PLAC1: variants seen among roughly 807,000 people sequenced by gnomAD.
PLAC1 encodes placenta-specific protein 1.
For missense variants in PLAC1, 136 were observed against 163.2 expected (o/e 0.83, Z 0.91); for synonymous variants, 68 against 62.1 (o/e 1.09, Z -0.44).
chrX:134,637,017 G>T (rs1344617116), intron 1 of PLAC1, among the ~76,000 whole-genome samples: 2 of 112,546 alleles, frequency 1.8e-5, no homozygotes, highest in Non-Finnish European at 3.8e-5. Context: ...AACAGCAAAA[G>T]AACTGCCAAC....
At position 134,598,263 on chromosome X, in the gene PLAC1, C is replaced by G. The variant is rs912137184; in HGVS notation, c.-59+3788G>C. The stretch of plus-strand genomic sequence containing the variant: ...TCGTGTAGCTTGTGAGATGTTGAAG[C>G]AGAACTATAGACTAAAGTGTCCCCT... On this transcript the variant is annotated intron_variant, in intron 2 of 2. Coordinates refer to ENST00000359237, the MANE Select transcript of PLAC1 (RefSeq NM_021796.4). 5.6e-4 allele frequency among the ~76,000 whole-genome samples: 63 copies of G among 111,803 alleles called. No individual in the cohort carries two copies. In the Admixed American group the frequency reaches 5.9e-3, roughly 10 times the overall value.
intron 2 of PLAC1, among the ~76,000 whole-genome samples, chrX:134,712,750 A>C (rs1457440874): frequency 9.0e-6 from 1 of 111,554 alleles, no homozygotes; most frequent in Non-Finnish European, 1.9e-5. Context: ...CCACTCTCCC[A>C]CATAACACAC....
At chrX:134,646,404 A>G (rs2078333776) in intron 1 of PLAC1, among the ~76,000 whole-genome samples, 1 of 112,642 alleles carries the variant, frequency 8.9e-6, no homozygotes, top group Non-Finnish European at 1.9e-5. Context: ...GGATTCTACA[A>G]GATAAGCTAA....
At chrX:134,679,301 G>A (rs1173840702) in intron 2 of PLAC1, among the ~76,000 whole-genome samples, 1 of 111,220 alleles carries the variant, frequency 9.0e-6, no homozygotes, top group Non-Finnish European at 1.9e-5. Context: ...GGGATGTCGA[G>A]TAGGCCGTGG....
intron 2 of PLAC1, among the ~76,000 whole-genome samples, chrX:134,718,920 T>C (rs1242835618): frequency 2.3e-4 from 26 of 111,780 alleles, no homozygotes; most frequent in Middle Eastern, 9.3e-3. Context: ...AATAATTGTG[T>C]GGGACAGGCT....
chrX:134,578,515 C>CTT (rs766626696), intron 2 of PLAC1, among the ~76,000 whole-genome samples: 3,507 of 55,866 alleles, frequency 0.063, 270 homozygotes, highest in African/African-American at 0.15. Flanking sequence ...TTCTTTCTTT[C>CTT]TTTTTTTTTT....
intron 1 of PLAC1, among the ~76,000 whole-genome samples, chrX:134,654,702 C>G (rs915620425): frequency 8.9e-6 from 1 of 112,197 alleles, no homozygotes; most frequent in Non-Finnish European, 1.9e-5. Flanking sequence ...CAGACCTAGG[C>G]CTTCTTAACA....
chrX:134,744,370 G>A (rs1406035889), intron 1 of PLAC1, among the ~76,000 whole-genome samples: 2 of 110,778 alleles, frequency 1.8e-5, no homozygotes, highest in African/African-American at 6.6e-5. Flanking sequence ...CGCTCCCTTC[G>A]TTATGATTCC....
chrX:134,576,806 C>T (rs2077941923), intron 2 of PLAC1, among the ~76,000 whole-genome samples: 1 of 111,005 alleles, frequency 9.0e-6, no homozygotes, highest in Non-Finnish European at 1.9e-5. Context: ...GTGCCTGCAA[C>T]CCCAGGAACG....
intron 2 of PLAC1, among the ~76,000 whole-genome samples, chrX:134,710,446 C>T (rs1266546868): frequency 8.9e-6 from 1 of 111,739 alleles, no homozygotes; most frequent in Non-Finnish European, 1.9e-5. Flanking sequence ...ACTCTTTAAC[C>T]CAGAAATCTT....
intron 2 of PLAC1, among the ~76,000 whole-genome samples, chrX:134,664,303 A>G (rs1048102964): frequency 2.7e-5 from 3 of 112,165 alleles, no homozygotes; most frequent in Non-Finnish European, 3.8e-5. Context: ...ACACTTTGAG[A>G]ACCAGCAGTC....
At chrX:134,755,856 C>CTTTTTTTTTTTT (rs776901556) in intron 1 of PLAC1, among the ~76,000 whole-genome samples, 12 of 45,543 alleles carry the variant, frequency 2.6e-4, no homozygotes, top group African/African-American at 6.2e-4. Flanking sequence ...CCTTTTCTTT[C>CTTTTTTTTTTTT]TTTTTTTTTT....
At chrX:134,671,590 GGA>G (rs567116941) in intron 2 of PLAC1, among the ~76,000 whole-genome samples, 1,399 of 104,534 alleles carry the variant, frequency 0.013, 13 homozygotes, top group African/African-American at 0.029. Flanking sequence ...TGGTAGAACA[GGA>G]GAGAGAGAGA....
chrX:134,638,150 C>T (rs889687543), intron 1 of PLAC1, among the ~76,000 whole-genome samples: 2 of 112,059 alleles, frequency 1.8e-5, no homozygotes, highest in Admixed American at 9.5e-5. Flanking sequence ...TTCACTGGCA[C>T]GTATCGTTTA....
intron 2 of PLAC1, among the ~76,000 whole-genome samples, chrX:134,672,143 G>A (rs769107993): frequency 6.2e-5 from 7 of 112,115 alleles, no homozygotes; most frequent in Non-Finnish European, 9.4e-5. Flanking sequence ...CCTTTTCAGA[G>A]CCATTCAAGA....
chrX:134,571,801 G>T (rs1207458295), intron 2 of PLAC1, among the ~76,000 whole-genome samples: 1 of 111,680 alleles, frequency 9.0e-6, no homozygotes, highest in African/African-American at 3.3e-5. Flanking sequence ...TTAGAGACAC[G>T]TATGAACTCT....
intron 2 of PLAC1, among the ~76,000 whole-genome samples, chrX:134,708,864 T>A (rs1280010843): frequency 9.0e-6 from 1 of 111,347 alleles, no homozygotes; most frequent in Non-Finnish European, 1.9e-5. Context: ...AATCTACACC[T>A]GTGATAAAAA....
At chrX:134,688,492 T>C (rs2078525860) in intron 2 of PLAC1, among the ~76,000 whole-genome samples, 1 of 112,402 alleles carries the variant, frequency 8.9e-6, no homozygotes, top group Non-Finnish European at 1.9e-5. Flanking sequence ...TGAAAGGTTG[T>C]ATTGGGTGAC....
chrX:134,592,142 A>C (rs902595514), intron 2 of PLAC1, among the ~76,000 whole-genome samples: 12 of 112,377 alleles, frequency 1.1e-4, no homozygotes, highest in Non-Finnish European at 2.1e-4. Flanking sequence ...TATTTTGGTC[A>C]GGTCCAATTT....
Sources: allele counts gnomAD v4.1 joint callset (sites outside exome capture counted in the v4.1 genomes callset), GRCh38; gene constraint gnomAD v4.1.1; transcripts MANE v1.5; gene names NCBI Gene and HGNC (gene_info 2026-07-23, HGNC 2026-07-21).